The following EYS variants were observed in gnomAD, a reference collection of about 807,000 sequenced individuals.
The protein encoded by EYS is EGF-like photoreceptor maintenance factor, also known as protein eyes shut homolog.
A neutral mutation model predicts 282.1 loss-of-function variants in EYS; 250 were observed. The observed-to-expected ratio is 0.89, with a 90% CI of 0.80 to 0.98. The LOEUF (loss-of-function observed/expected upper bound fraction) is 0.98. Ranked by LOEUF, EYS falls within the 50% of genes least tolerant of loss-of-function variation. The pLI is 0.00. For missense variants in EYS, 4,016 were observed against 3,709.0 expected (o/e 1.08, Z -2.15); for synonymous variants, 1,355 against 1,282.9 (o/e 1.06, Z -1.20).
At chr6:64,490,128 T>G (rs1776693470) in intron 26 of EYS, among the ~76,000 whole-genome samples, 1 of 150,930 alleles carries the variant, frequency 6.6e-6, no homozygotes, top group African/African-American at 2.4e-5. Flanking sequence ...ACAATAGGTA[T>G]CCTTCCTTTT....
intron 33 of EYS, among the ~76,000 whole-genome samples, chr6:64,024,122 C>T (rs577220657): frequency 7.9e-5 from 12 of 152,338 alleles, no homozygotes; most frequent in African/African-American, 1.2e-4. Context: ...GGAGTGCAGG[C>T]GCAGGGCGCA....
Position 63,720,808 on chromosome 6 carries a change from T to C in EYS, c.9223A>G (p.Asn3075Asp), listed in dbSNP as rs1336691245. ...CCATCATAGTTTAGAGCCACAAAGT[T>C]TTTATGTGGATCAATATCCTCGGAA... ...ILSEDIDPHK[N>D]FVALNYDGIC... Residue 3075 changes from asparagine (N) to aspartate (D), a missense_variant, in exon 43 of 43, where the codon AAC (asparagine) becomes GAC (aspartate). Transcript: ENST00000503581. 6.4e-7 allele frequency: 1 copy of C among 1,551,054 alleles called. No homozygotes were observed.
intron 26 of EYS, among the ~76,000 whole-genome samples, chr6:64,515,671 A>T (rs1002595221): frequency 1.3e-5 from 2 of 151,622 alleles, no homozygotes; most frequent in African/African-American, 2.4e-5. Flanking sequence ...AAATGTCATT[A>T]TGTTTGTGAC....
chr6:65,010,712 G>A (rs898988870), intron 13 of EYS, among the ~76,000 whole-genome samples: 2 of 152,192 alleles, frequency 1.3e-5, no homozygotes, highest in Admixed American at 1.3e-4. Context: ...CCTCACTCAG[G>A]CACTAAAATT....
At chr6:63,886,497 A>G (rs1773264122) in intron 35 of EYS, among the ~76,000 whole-genome samples, 1 of 152,212 alleles carries the variant, frequency 6.6e-6, no homozygotes, top group African/African-American at 2.4e-5. Flanking sequence ...AACGTTTGGA[A>G]CATTTCAAGA....
At chr6:64,103,117 A>G (rs991002294) in intron 31 of EYS, among the ~76,000 whole-genome samples, 1 of 152,186 alleles carries the variant, frequency 6.6e-6, no homozygotes, top group East Asian at 1.9e-4. Context: ...TGATGATAGA[A>G]CAAGATGGTT....
At chr6:64,172,699 C>A (rs1041816688) in intron 31 of EYS, among the ~76,000 whole-genome samples, 2 of 152,028 alleles carry the variant, frequency 1.3e-5, no homozygotes, top group African/African-American at 2.4e-5. Flanking sequence ...GGGTGGGAAC[C>A]CCTGGAATAA....
chr6:64,459,987 G>C (rs534046820), intron 26 of EYS, among the ~76,000 whole-genome samples: 1 of 150,244 alleles, frequency 6.7e-6, no homozygotes, highest in Non-Finnish European at 1.5e-5. Flanking sequence ...CTAGTGACTC[G>C]GGATTTTTCT....
chr6:64,469,648 A>G (rs1304851698), intron 26 of EYS, among the ~76,000 whole-genome samples: 1 of 152,036 alleles, frequency 6.6e-6, no homozygotes, highest in Non-Finnish European at 1.5e-5. Flanking sequence ...ACCGTAGTCT[A>G]GGGATAGCGT....
At chr6:65,322,279 A>T (rs1003806245) in intron 11 of EYS, among the ~76,000 whole-genome samples, 6 of 152,068 alleles carry the variant, frequency 3.9e-5, no homozygotes, top group Admixed American at 6.5e-5. Context: ...AAGAAGTAGG[A>T]CTCTGGGGTT....
intron 12 of EYS, among the ~76,000 whole-genome samples, chr6:65,089,652 G>A (rs987996753): frequency 1.3e-5 from 2 of 151,960 alleles, no homozygotes; most frequent in African/African-American, 2.4e-5. Context: ...ATGCTGCAAT[G>A]AGCTAAGACT....
Position 64,439,219 on chromosome 6 carries a change from G to T in EYS, c.5778C>A (p.Asp1926Glu). Residue 1926 changes from aspartate to glutamate, a missense_variant, in exon 27 of 43, where the codon GAC becomes GAA. Physicochemically the swap from Asp to Glu is conservative, Grantham distance 45. Transcript: ENST00000503581. ...TAAAAAATCCATCTACTAAATTTGAGTCTTGCTTGACATACAGCAGAAGTC... is the reference window on the plus strand; with the variant it reads ...TAAAAAATCCATCTACTAAATTTGATTCTTGCTTGACATACAGCAGAAGTC... ...SYGLLLYVKQ[D>E]SNLVDGFFIQ... The T allele has an allele frequency of 2.0e-6, 3 of 1,482,810 alleles. No individual in the cohort carries two copies. Among genetic ancestry groups the T allele is most frequent in the South Asian group, 1.4e-5 (1 of 70,148 alleles). 91.9% of individuals were successfully genotyped at this position (1,482,810 alleles called of 1,614,324 possible). A position where few individuals can be genotyped will look rare whatever the true frequency, so the allele number is the denominator to read the frequency against.
intron 19 of EYS, among the ~76,000 whole-genome samples, chr6:64,880,188 AAGTCCTTT>A (rs1766870310): frequency 6.6e-6 from 1 of 151,826 alleles, no homozygotes; most frequent in Admixed American, 6.6e-5. Context: ...GTGAATTTGT[AAGTCCTTT>A]AAAATCAGAT....
chr6:64,256,586 A>AAGCCTCT (rs1247415332), intron 30 of EYS, among the ~76,000 whole-genome samples: 1 of 152,028 alleles, frequency 6.6e-6, no homozygotes, highest in Non-Finnish European at 1.5e-5. Flanking sequence ...AGCAGAAGAA[A>AAGCCTCT]AGCCTCTACT....
At chr6:65,330,979 G>A (rs1209286573) in intron 11 of EYS, 12 of 984,030 alleles carry the variant, frequency 1.2e-5, no homozygotes, top group African/African-American at 3.5e-5. Flanking sequence ...TTGAGTTCCC[G>A]TATATACTCG....
At chr6:63,912,070 T>C (rs1466307530) in intron 35 of EYS, among the ~76,000 whole-genome samples, 1 of 152,248 alleles carries the variant, frequency 6.6e-6, no homozygotes, top group African/African-American at 2.4e-5. Flanking sequence ...TGCAGATCCT[T>C]GAAGCCCTAG....
At chr6:64,681,810 C>T (rs1321480890) in intron 22 of EYS, among the ~76,000 whole-genome samples, 2 of 152,122 alleles carry the variant, frequency 1.3e-5, no homozygotes, top group African/African-American at 4.8e-5. Flanking sequence ...GCGGGAGTTA[C>T]GTGCTACGGG....
Position 63,920,847 on chromosome 6 carries a change from A to G in EYS, c.7056-56489T>C, listed in dbSNP as rs1053089164. 1.3e-3 allele frequency among the ~76,000 whole-genome samples: 196 copies of G among 151,748 alleles called. 2 individuals are homozygous for G. Among genetic ancestry groups the G allele is most frequent in the East Asian group, 5.8e-4 (3 of 5,142 alleles). ...GTGGAGAAACTCTTTGTGACCTCAGATAAGGCCCTCACACCATCCTATGGA... is the reference window on the plus strand; with the variant it reads ...GTGGAGAAACTCTTTGTGACCTCAGGTAAGGCCCTCACACCATCCTATGGA... On this transcript the variant is annotated intron_variant, in intron 35 of 42. Transcript: ENST00000503581.
intron 14 of EYS, among the ~76,000 whole-genome samples, chr6:64,993,042 G>T (rs527709957): frequency 3.3e-4 from 50 of 152,112 alleles, no homozygotes; most frequent in African/African-American, 1.2e-3. Context: ...ACATATTTTT[G>T]AAAGGAGCAT....
Sources: gnomAD v4.1 joint callset for allele counts (sites outside exome capture counted in the v4.1 genomes callset) on GRCh38, gnomAD v4.1.1 for gene constraint, MANE v1.5 for transcripts, NCBI Gene and HGNC (gene_info 2026-07-23, HGNC 2026-07-21) for gene names.